RIMBP2: variants seen among roughly 807,000 people sequenced by gnomAD.
RIMBP2 encodes the protein RIMS binding protein 2.
A neutral mutation model predicts 118.6 loss-of-function variants in RIMBP2; 48 were observed. That is an observed-to-expected ratio of 0.40 (90% CI 0.32 to 0.51). RIMBP2 has a LOEUF of 0.51. RIMBP2 is among the 20% of genes least tolerant of loss of function. RIMBP2 has a pLI of 0.41. For missense variants in RIMBP2, 1,551 were observed against 1,768.3 expected, an observed-to-expected ratio of 0.88 and a Z score of 2.20; for synonymous variants, 762 against 742.9, an observed-to-expected ratio of 1.03 and a Z score of -0.42.
chr12:130,499,915 C>A (rs918049690), intron 4 of RIMBP2, among the ~76,000 whole-genome samples: 1 of 152,096 alleles, frequency 6.6e-6, no homozygotes, highest in Non-Finnish European at 1.5e-5. Flanking sequence ...ATGAATATAT[C>A]TTTAGGTGTG....
rs1296396740 is a variant in RIMBP2, at chr12:130,578,235, C to A, written c.-217+50087G>T. ...GGGGCAGAAGCTCAGAGGATTCCAT[C>A]CATCCACTTCTGAACCTTCCTGTTC... On this transcript the variant is annotated intron_variant, in intron 2 of 22. Coordinates refer to ENST00000690449, the MANE Select transcript of RIMBP2 (RefSeq NM_001393629.1). This position sits in a 1 kb window ranked among gnomAD's most constrained non-coding sequence, Gnocchi z 4.1. Among the ~76,000 whole-genome samples the A allele has an allele frequency of 6.6e-6, 1 of 152,212 alleles. No individual in the cohort carries two copies. The highest frequency in any genetic ancestry group is 1.5e-5 in the Non-Finnish European group (1 of 68,036).
At position 130,437,157 on chromosome 12, in the gene RIMBP2, GGCA is replaced by G; in HGVS notation, c.1788_1790del (p.Ala597del). 2 of 1,587,328 alleles carry G rather than the reference GGCA, an allele frequency of 1.3e-6. No homozygotes were observed. Among genetic ancestry groups the G allele is most frequent in the South Asian group, 1.1e-5 (1 of 87,678 alleles). ...GAGGCACCAGGAGCTCGGGGGGAAC[GGCA>G]GCAACTGCAGAGTCCACGGACTCGC... is the stretch of plus-strand genomic sequence containing the variant. On this transcript the variant is annotated inframe_deletion, in exon 13 of 23. Coordinates refer to ENST00000690449, the MANE Select transcript of RIMBP2 (RefSeq NM_001393629.1).
chr12:130,571,080 G>A (rs1377768850), intron 2 of RIMBP2, among the ~76,000 whole-genome samples: 1 of 152,092 alleles, frequency 6.6e-6, no homozygotes, highest in Non-Finnish European at 1.5e-5. Context: ...TCATTGTTTT[G>A]GCACTTGAGG....
chr12:130,540,189 A>C (rs917043507), intron 2 of RIMBP2, among the ~76,000 whole-genome samples: 1 of 152,206 alleles, frequency 6.6e-6, no homozygotes, highest in African/African-American at 2.4e-5. Flanking sequence ...TGAGAGCAAG[A>C]GAGTAGCTTT....
At chr12:130,573,649 G>C (rs1018623610) in intron 2 of RIMBP2, among the ~76,000 whole-genome samples, 3 of 152,176 alleles carry the variant, frequency 2.0e-5, no homozygotes, top group Admixed American at 6.5e-5. Flanking sequence ...CCCCACCTGG[G>C]GGGGTGATGG....
chr12:130,460,443 T>G (rs2079876399), intron 6 of RIMBP2, among the ~76,000 whole-genome samples: 1 of 152,192 alleles, frequency 6.6e-6, no homozygotes, highest in Non-Finnish European at 1.5e-5. Flanking sequence ...TATTAGAGCA[T>G]TAACAGCAGT....
At chr12:130,480,518 T>C (rs2081894173) in intron 4 of RIMBP2, among the ~76,000 whole-genome samples, 1 of 152,262 alleles carries the variant, frequency 6.6e-6, no homozygotes, top group African/African-American at 2.4e-5. Flanking sequence ...GCCTTCCTCC[T>C]GGGCTGGAAC....
At chr12:130,520,040 A>T (rs570440012) in intron 2 of RIMBP2, among the ~76,000 whole-genome samples, 1 of 152,296 alleles carries the variant, frequency 6.6e-6, no homozygotes, top group East Asian at 1.9e-4. Context: ...GGTTCATGCC[A>T]TCCGCCTCTC....
intron 15 of RIMBP2, 189 bp from the exon 16 acceptor site, chr12:130,425,047 G>A (rs2076690863): frequency 5.0e-6 from 2 of 400,936 alleles, no homozygotes; most frequent in Admixed American, 8.9e-5. Context: ...TGGGTTACGG[G>A]GCTGGGGCGG....
At chr12:130,583,911 C>CA in intron 2 of RIMBP2, among the ~76,000 whole-genome samples, 1 of 151,080 alleles carries the variant, frequency 6.6e-6, no homozygotes, top group Non-Finnish European at 1.5e-5. Flanking sequence ...ACATCATCAC[C>CA]TTCATCACTA....
rs969240000 is a variant in RIMBP2 at position 130,620,791 on chromosome 12, G to A, written c.-217+7531C>T. 1.3e-4 allele frequency among the ~76,000 whole-genome samples: 20 copies of A among 152,164 alleles called. No homozygotes were observed. The highest frequency in any genetic ancestry group is 3.3e-4 in the Admixed American group (5 of 15,280). Reference sequence around the variant, plus strand: ...AGTTGGTCACCTCTATAAAGACCTCGTCTCCAAGTAAGATCACATTTTGAG... The same window carrying A: ...AGTTGGTCACCTCTATAAAGACCTCATCTCCAAGTAAGATCACATTTTGAG... On this transcript the variant is annotated intron_variant, in intron 2 of 22. Transcript: ENST00000690449. The surrounding 1 kb of genome is among the most constrained non-coding windows in gnomAD (Gnocchi z 5.3).
Position 130,577,792 on chromosome 12 carries a change from T to G in RIMBP2, c.-217+50530A>C, listed in dbSNP as rs937374968. Among the ~76,000 whole-genome samples, 6 of 152,266 alleles carry G rather than the reference T, an allele frequency of 3.9e-5. No individual in the cohort carries two copies. The East Asian group carries it at 1.2e-3, about 29-fold the overall frequency. On this transcript the variant is annotated intron_variant, in intron 2 of 22. Coordinates refer to ENST00000690449, the MANE Select transcript of RIMBP2 (RefSeq NM_001393629.1). ...AACGGGAAGCTGACATCCCTCCATC[T>G]CATTTGAAATTCAATCCCTCCCCAC...
intron 1 of RIMBP2, among the ~76,000 whole-genome samples, chr12:130,693,666 G>A (rs934782661): frequency 1.3e-5 from 2 of 152,186 alleles, no homozygotes; most frequent in African/African-American, 2.4e-5. Context: ...TCTGGAGGTG[G>A]TCATGGAAAT....
chr12:130,636,445 C>G (rs2062354392), intron 1 of RIMBP2, among the ~76,000 whole-genome samples: 1 of 152,130 alleles, frequency 6.6e-6, no homozygotes, highest in Non-Finnish European at 1.5e-5. Context: ...TTTTTACCAG[C>G]TGAATCACCT....
chr12:130,542,839 C>T (rs1057498853), intron 2 of RIMBP2, among the ~76,000 whole-genome samples: 1 of 152,190 alleles, frequency 6.6e-6, no homozygotes, highest in South Asian at 2.1e-4. Flanking sequence ...AATAGGAACA[C>T]AACTTGTTTA....
rs532324032 is a variant in RIMBP2 at position 130,591,501 on chromosome 12, A to T, written c.-217+36821T>A. Among the ~76,000 whole-genome samples the T allele has an allele frequency of 3.3e-5, 5 of 151,324 alleles. No individual in the cohort carries two copies. The South Asian group carries it at 1.0e-3, about 32-fold the overall frequency. The stretch of plus-strand genomic sequence containing the variant: ...GAGTGACTTAGAACAGTGGAAATTT[A>T]TTCTCTCACAGTTCTGGAGGCCAGA... On this transcript the variant is annotated intron_variant, in intron 2 of 22. Transcript: ENST00000690449.
At chr12:130,691,407 C>G (rs1011420354) in intron 1 of RIMBP2, among the ~76,000 whole-genome samples, 13 of 152,196 alleles carry the variant, frequency 8.5e-5, no homozygotes, top group Non-Finnish European at 1.9e-4. Context: ...TGGTGGCTCA[C>G]ACCTGTCCTC....
intron 17 of RIMBP2, among the ~76,000 whole-genome samples, chr12:130,415,111 C>T (rs1177020443): frequency 6.6e-6 from 1 of 152,172 alleles, no homozygotes; most frequent in African/African-American, 2.4e-5. Flanking sequence ...GAGAAAACTA[C>T]AGGCTAATAT....
intron 1 of RIMBP2, among the ~76,000 whole-genome samples, chr12:130,707,772 G>A (rs751091882): frequency 2.0e-5 from 3 of 152,122 alleles, no homozygotes; most frequent in Non-Finnish European, 2.9e-5. Context: ...CAAGGGGACC[G>A]AGGCGGCCCG....
Sources: gnomAD v4.1 joint callset for allele counts (sites outside exome capture counted in the v4.1 genomes callset) on GRCh38, gnomAD v4.1.1 for gene constraint, Gnocchi (gnomAD v3.1) non-coding constraint, MANE v1.5 for transcripts, NCBI Gene and HGNC (gene_info 2026-07-23, HGNC 2026-07-21) for gene names.